Variants in FABP1 observed in about 807,000 individuals in gnomAD.
FABP1 encodes the protein fatty acid binding protein 1.
In FABP1, 13 loss-of-function variants were observed where a neutral mutation model predicts 13.7. The observed-to-expected ratio is 0.95, with a 90% CI of 0.62 to 1.51. FABP1 has a LOEUF of 1.51. FABP1 is among the 40% of genes most tolerant of loss of function. The probability of loss-of-function intolerance (pLI) is 0.00; values close to 1 mark genes in which losing one functional copy is unlikely to be tolerated. For missense variants in FABP1, 140 were observed against 155.7 expected (o/e 0.90, Z 0.54); for synonymous variants, 48 against 59.8 (o/e 0.80, Z 0.91).
At position 88,126,287 on chromosome 2, in the gene FABP1, C is replaced by T. The variant is rs1675294918; in HGVS notation, c.129G>A (p.Gln43=). 1 of 1,614,058 alleles carries T rather than the reference C, an allele frequency of 6.2e-7. No homozygotes were observed. The highest frequency in any genetic ancestry group is 8.5e-7 in the Non-Finnish European group (1 of 1,179,918). The change falls in exon 2 of 4, where the codon CAG becomes CAA. Residue 43 remains glutamine, a synonymous_variant. Coordinates refer to ENST00000295834, the MANE Select transcript of FABP1 (RefSeq NM_001443.3). ...TGGTGAACTTGAAGTGCTTCCCATTCTGCACGATTTCCGACACCCCCTTGA... is the reference window on the plus strand; with the variant it reads ...TGGTGAACTTGAAGTGCTTCCCATTTTGCACGATTTCCGACACCCCCTTGA... ...KDIKGVSEIV[Q]NGKHFKFTIT...
intron 3 of FABP1, chr2:88,123,379 C>A (rs1485521152): frequency 2.2e-6 from 1 of 447,672 alleles, no homozygotes; most frequent in Non-Finnish European, 4.0e-6. Flanking sequence ...ACTGTTATAG[C>A]AAGACCATCC....
At chr2:88,125,284 G>T (rs1330493305) in intron 2 of FABP1, among the ~76,000 whole-genome samples, 1 of 152,158 alleles carries the variant, frequency 6.6e-6, no homozygotes, top group Non-Finnish European at 1.5e-5. Flanking sequence ...TAAATCCCTT[G>T]ACCATGAGCA....
chr2:88,126,043 T>G, intron 2 of FABP1, 133 bp downstream of exon 2: 1 of 930,384 alleles, frequency 1.1e-6, no homozygotes, highest in Non-Finnish European at 1.6e-6. Context: ...TTTGTCTCTC[T>G]GCTTCTCCCA....
chr2:88,127,920 C>T, intron 1 of FABP1, 31 bp downstream of exon 1: 1 of 1,612,084 alleles, frequency 6.2e-7, no homozygotes, highest in Non-Finnish European at 8.5e-7. Flanking sequence ...CTGATGTGAC[C>T]CACAGCTTTG....
chr2:88,124,122 G>T, intron 3 of FABP1: 1 of 195,316 alleles, frequency 5.1e-6, no homozygotes, highest in Non-Finnish European at 1.0e-5. Flanking sequence ...CTGGCAGCCA[G>T]GCACCAAGGC....
chr2:88,124,425 T>C, intron 3 of FABP1, 69 bp downstream of exon 3: 1 of 1,216,582 alleles, frequency 8.2e-7, no homozygotes, highest in African/African-American at 1.5e-5. Context: ...TGTGAGCCGC[T>C]CCCCATGCTT....
At chr2:88,126,446 G>C in intron 1 of FABP1, 98 bp from the exon 2 acceptor site, 2 of 1,250,968 alleles carry the variant, frequency 1.6e-6, no homozygotes, top group Non-Finnish European at 1.1e-6. Flanking sequence ...GAGGGACAGA[G>C]AAGGGCACTG....
chr2:88,127,970 T>C lies in FABP1; in HGVS notation c.48A>G (p.Glu16=), dbSNP rs1424557922. Residue 16 remains glutamate, a synonymous_variant, in exon 1 of 4, where the codon GAA becomes GAG. Transcript: ENST00000295834. ...ACTCACCGATTGCCTTCATGAAGGC[T>C]TCAAAGTTTTCCTGGCTCTGCAGTT... ...KYQLQSQENF[E]AFMKAIGLPE... is the part of the protein sequence containing the mutation. The C allele has an allele frequency of 6.2e-7, 1 of 1,614,200 alleles. No individual in the cohort carries two copies. Among genetic ancestry groups the C allele is most frequent in the Admixed American group, 1.7e-5 (1 of 60,026 alleles).
Position 88,126,189 on chromosome 2 carries a change from CCT to C in FABP1, c.225_226del (p.Lys78SerfsTer10), listed in dbSNP as rs1196244244. 4 of 1,607,006 alleles carry C rather than the reference CCT, an allele frequency of 2.5e-6. No homozygotes were observed. Among genetic ancestry groups the C allele is most frequent in the South Asian group, 1.1e-5 (1 of 90,474 alleles). ...ATGCCCTCCTACCTTGACTTTCTCCCCTGTCATTGTCTCCAGCTCACATTCCT... is the reference window on the plus strand; with the variant it reads ...ATGCCCTCCTACCTTGACTTTCTCCCGTCATTGTCTCCAGCTCACATTCCT... On this transcript the variant is annotated frameshift_variant, in exon 2 of 4. Coordinates refer to ENST00000295834, the MANE Select transcript of FABP1 (RefSeq NM_001443.3). LOFTEE classifies it high-confidence loss of function.
At chr2:88,124,655 G>C in intron 2 of FABP1, 69 bp from the exon 3 acceptor site, 1 of 1,168,326 alleles carries the variant, frequency 8.6e-7, no homozygotes, top group African/African-American at 1.5e-5. Context: ...TAATGAAGTT[G>C]CTTCCTTTGC....
chr2:88,125,913 C>A, intron 2 of FABP1: 1 of 331,710 alleles, frequency 3.0e-6, no homozygotes, highest in Non-Finnish European at 5.6e-6. Flanking sequence ...CTGCTGTATG[C>A]CTGGTTCTCC....
chr2:88,124,666 A>C, intron 2 of FABP1, 80 bp from the exon 3 acceptor site: 1 of 1,044,820 alleles, frequency 9.6e-7, no homozygotes, highest in Non-Finnish European at 1.5e-6. Context: ...CTTCCTTTGC[A>C]CAGGTCTCAG....
intron 1 of FABP1, among the ~76,000 whole-genome samples, chr2:88,127,031 T>C (rs1205098701): frequency 1.3e-5 from 2 of 152,130 alleles, no homozygotes; most frequent in African/African-American, 4.8e-5. Flanking sequence ...CTGCAGAAGA[T>C]CCTTCTCTGG....
intron 1 of FABP1, 42 bp downstream of exon 1, chr2:88,127,909 A>G: frequency 2.5e-6 from 4 of 1,602,670 alleles, no homozygotes; most frequent in Non-Finnish European, 3.4e-6. Context: ...CTAGACCCTC[A>G]CTGATGTGAC....
intron 3 of FABP1, chr2:88,124,147 G>A (rs1468157951): frequency 1.8e-5 from 4 of 226,348 alleles, no homozygotes; most frequent in African/African-American, 6.9e-5. Context: ...TGCATAACTG[G>A]ACTGTGCCAG....
At chr2:88,124,649 G>A (rs1675264518) in intron 2 of FABP1, 63 bp from the exon 3 acceptor site, 38 of 1,261,930 alleles carry the variant, frequency 3.0e-5, no homozygotes, top group Non-Finnish European at 3.9e-5. Flanking sequence ...CCTTGCTAAT[G>A]AAGTTGCTTC....
rs533072912 is a variant in FABP1 at position 88,126,379 on chromosome 2, G to A, written c.68-31C>T. The A allele has an allele frequency of 4.7e-5, 75 of 1,599,148 alleles. No individual in the cohort carries two copies. The South Asian group carries it at 7.8e-4, about 17-fold the overall frequency. ...GGAAACCGTCTGAGGTTTAGATATGGGCAGAGGTGGGAGTTTCATGACCGT... is the reference window on the plus strand; with the variant it reads ...GGAAACCGTCTGAGGTTTAGATATGAGCAGAGGTGGGAGTTTCATGACCGT... On this transcript the variant is annotated intron_variant, in intron 1 of 3. Transcript: ENST00000295834.
Position 88,126,272 on chromosome 2 carries a change from G to A in FABP1, c.144C>T (p.Phe48=). The A allele has an allele frequency of 6.2e-7, 1 of 1,613,962 alleles. No individual in the cohort carries two copies. The highest frequency in any genetic ancestry group is 1.1e-5 in the South Asian group (1 of 91,042). The change falls in exon 2 of 4, where the codon TTC becomes TTT. Residue 48 remains phenylalanine, a synonymous_variant. Transcript: ENST00000295834. ...VSEIVQNGKH[F]KFTITAGSKV... ...TGGACCCAGCGGTGATGGTGAACTT[G>A]AAGTGCTTCCCATTCTGCACGATTT...
chr2:88,124,347 G>T lies in FABP1; in HGVS notation c.333+147C>A, dbSNP rs568194278. 76 of 585,272 alleles carry T rather than the reference G, an allele frequency of 1.3e-4. No homozygotes were observed. In the South Asian group the frequency reaches 1.6e-3, roughly 12 times the overall value. 36.3% of individuals were successfully genotyped at this position (585,272 alleles called of 1,614,324 possible). A position where few individuals can be genotyped will look rare whatever the true frequency, so the allele number is the denominator to read the frequency against. ...CTGGGACATGATGGATCCTCAGTAAGTGCTGGCAGATACTGACCACAGGAA... is the reference window on the plus strand; with the variant it reads ...CTGGGACATGATGGATCCTCAGTAATTGCTGGCAGATACTGACCACAGGAA... On this transcript the variant is annotated intron_variant, in intron 3 of 3. Transcript: ENST00000295834.
Sources: allele counts gnomAD v4.1 joint callset (sites outside exome capture counted in the v4.1 genomes callset), GRCh38; gene constraint gnomAD v4.1.1; transcripts MANE v1.5; gene names NCBI Gene and HGNC (gene_info 2026-07-23, HGNC 2026-07-21).